The following CHL1 variants were observed in gnomAD, a reference collection of about 807,000 sequenced individuals.
CHL1 encodes cell adhesion molecule L1 like, also known as neural cell adhesion molecule L1-like protein.
Under a neutral mutation model 141.9 loss-of-function variants are expected in CHL1, and 96 were observed. The observed-to-expected ratio is 0.68, with a 90% confidence interval of 0.57 to 0.80. The LOEUF is 0.80. CHL1 is among the 30% of genes least tolerant of loss of function. The probability of loss-of-function intolerance (pLI) is 0.00; values close to 1 mark genes in which losing one functional copy is unlikely to be tolerated. For synonymous variants in CHL1, 613 were observed against 502.2 expected, an observed-to-expected ratio of 1.22 and a Z score of -2.95; for missense variants, 1,820 against 1,457.2, an observed-to-expected ratio of 1.25 and a Z score of -4.05.
At chr3:331,930 A>G (rs1701473691) in intron 5 of CHL1, among the ~76,000 whole-genome samples, 1 of 152,194 alleles carries the variant, frequency 6.6e-6, no homozygotes, top group South Asian at 2.1e-4. Context: ...AAAAGTAAAA[A>G]TTTTAGATTG....
intron 1 of CHL1, among the ~76,000 whole-genome samples, chr3:242,390 A>T (rs1184817995): frequency 1.4e-5 from 2 of 141,510 alleles, no homozygotes; most frequent in Non-Finnish European, 3.1e-5. Context: ...AGGTCAGGAG[A>T]TCGAGACCAT....
chr3:286,224 G>A (rs1697127544), intron 2 of CHL1, among the ~76,000 whole-genome samples: 1 of 152,032 alleles, frequency 6.6e-6, no homozygotes, highest in Admixed American at 6.6e-5. Flanking sequence ...TTATTCGCAG[G>A]GGGTCCTGAT....
chr3:335,344 T>A (rs1701776967), intron 5 of CHL1, among the ~76,000 whole-genome samples: 1 of 152,226 alleles, frequency 6.6e-6, no homozygotes, highest in African/African-American at 2.4e-5. Context: ...CTGAACTGGG[T>A]GTCCTTCCTT....
At chr3:343,740 C>T (rs530835724) in intron 8 of CHL1, among the ~76,000 whole-genome samples, 1 of 152,100 alleles carries the variant, frequency 6.6e-6, no homozygotes, top group Non-Finnish European at 1.5e-5. Flanking sequence ...GATGTAAGCT[C>T]CTTTTGAAGA....
intron 2 of CHL1, among the ~76,000 whole-genome samples, chr3:252,723 G>A (rs1045018544): frequency 2.6e-5 from 4 of 151,850 alleles, no homozygotes; most frequent in African/African-American, 9.7e-5. Flanking sequence ...ATTAAATCTG[G>A]TTAAATGTCT....
chr3:237,510 A>T (rs973645675), intron 1 of CHL1, among the ~76,000 whole-genome samples: 3 of 152,242 alleles, frequency 2.0e-5, no homozygotes, highest in Non-Finnish European at 2.9e-5. Flanking sequence ...AGGTATAATC[A>T]GTATGGAGTC....
In CHL1 at chr3:405,492, T is replaced by A; in HGVS notation, c.3459-3T>A. 6.2e-7 allele frequency: 1 copy of A among 1,601,862 alleles called. No individual in the cohort carries two copies. Among genetic ancestry groups the A allele is most frequent in the Non-Finnish European group, 8.5e-7 (1 of 1,169,678 alleles). ...GAGCTATTTTTGTTTGTTTGTTTTCTAGTGACAGTGATGAAAAGCCTCTCA... is the reference window on the plus strand; with the variant it reads ...GAGCTATTTTTGTTTGTTTGTTTTCAAGTGACAGTGATGAAAAGCCTCTCA... On this transcript the variant is annotated splice_region_variant and splice_polypyrimidine_tract_variant and intron_variant, in intron 27 of 27. Transcript: ENST00000256509.
chr3:284,949 G>A (rs1404137867), intron 2 of CHL1, among the ~76,000 whole-genome samples: 1 of 152,070 alleles, frequency 6.6e-6, no homozygotes, highest in Non-Finnish European at 1.5e-5. Context: ...ATCAAATAAT[G>A]TATTCTGCAT....
rs1217465439 is a variant in CHL1 at position 408,278 on chromosome 3, TA to T, written c.*2568del. 3 of 152,122 alleles carry T rather than the reference TA, an allele frequency of 2.0e-5. No individual in the cohort carries two copies. In the East Asian group the frequency reaches 5.8e-4, roughly 29 times the overall value. The allele number at this position is 152,122 out of a possible 1,614,324, so 9.4% of individuals were successfully genotyped here. ...GGCTTTACCCTAACTTTCTCTAGTCTACTGTCAATATCATTTTAATGTAATT... is the reference window on the plus strand; with the variant it reads ...GGCTTTACCCTAACTTTCTCTAGTCTCTGTCAATATCATTTTAATGTAATT... On this transcript the variant is annotated 3_prime_UTR_variant, in exon 28 of 28. Coordinates refer to ENST00000256509, the MANE Select transcript of CHL1 (RefSeq NM_006614.4).
intron 2 of CHL1, among the ~76,000 whole-genome samples, chr3:269,961 AG>A (rs1695492314): frequency 6.6e-6 from 1 of 152,186 alleles, no homozygotes; most frequent in South Asian, 2.1e-4. Context: ...GGTGGGATGA[AG>A]GTGGAAGTAC....
At chr3:386,256 A>G (rs1366063580) in intron 19 of CHL1, among the ~76,000 whole-genome samples, 1 of 151,832 alleles carries the variant, frequency 6.6e-6, no homozygotes, top group African/African-American at 2.4e-5. Context: ...TTAACAATGA[A>G]GATGAGCAGT....
chr3:265,901 C>G (rs1010530733), intron 2 of CHL1, among the ~76,000 whole-genome samples: 2 of 151,970 alleles, frequency 1.3e-5, no homozygotes, highest in African/African-American at 4.8e-5. Flanking sequence ...GAACTTCCAC[C>G]AAAAATAACA....
intron 2 of CHL1, among the ~76,000 whole-genome samples, chr3:277,180 A>T (rs1696215966): frequency 6.6e-6 from 1 of 152,208 alleles, no homozygotes; most frequent in Non-Finnish European, 1.5e-5. Context: ...TAAAATATAA[A>T]GTAAATGCTT....
At position 406,736 on chromosome 3, in the gene CHL1, G is replaced by C. The variant is rs1001252922; in HGVS notation, c.*1025G>C. Reference sequence around the variant, plus strand: ...TAAGATACTGTTTTTCGTCATTCCAGAGCTACAACTAATAACACGAGGTTC... The same window carrying C: ...TAAGATACTGTTTTTCGTCATTCCACAGCTACAACTAATAACACGAGGTTC... On this transcript the variant is annotated 3_prime_UTR_variant, in exon 28 of 28. Coordinates refer to ENST00000256509, the MANE Select transcript of CHL1 (RefSeq NM_006614.4). The C allele has an allele frequency of 6.6e-6, 1 of 152,018 alleles. No individual in the cohort carries two copies. Among genetic ancestry groups the C allele is most frequent in the Non-Finnish European group, 1.5e-5 (1 of 67,994 alleles). The allele number at this position is 152,018 out of a possible 1,614,324, so 9.4% of individuals were successfully genotyped here. A position where few individuals can be genotyped will look rare whatever the true frequency, so the allele number is the denominator to read the frequency against.
chr3:376,070 A>G (rs1350286390), intron 15 of CHL1, among the ~76,000 whole-genome samples: 3 of 152,220 alleles, frequency 2.0e-5, no homozygotes, highest in African/African-American at 4.8e-5. Context: ...GGGCACGAAG[A>G]TGTGAAGAGG....
At chr3:226,556 T>A (rs1457556135) in intron 1 of CHL1, among the ~76,000 whole-genome samples, 1 of 151,688 alleles carries the variant, frequency 6.6e-6, no homozygotes, top group Non-Finnish European at 1.5e-5. Context: ...TTCAATCGAT[T>A]CTCCTGCTTC....
rs554594562 is a variant in CHL1, at chr3:198,716, T to A, written c.-175+1653T>A. ...CGTTGATGCCATTACTGTTAGTTAATCCTCAGTTTAATTACATATGGTGCA... is the reference window on the plus strand; with the variant it reads ...CGTTGATGCCATTACTGTTAGTTAAACCTCAGTTTAATTACATATGGTGCA... On this transcript the variant is annotated intron_variant, in intron 1 of 27. Coordinates refer to ENST00000256509, the MANE Select transcript of CHL1 (RefSeq NM_006614.4). Among the ~76,000 whole-genome samples the A allele has an allele frequency of 2.5e-3, 383 of 152,378 alleles. 1 individual carries two copies. The highest frequency in any genetic ancestry group is 4.7e-3 in the Non-Finnish European group (317 of 68,038).
chr3:405,943 A>G lies in CHL1; in HGVS notation c.*232A>G. On this transcript the variant is annotated 3_prime_UTR_variant, in exon 28 of 28. Coordinates refer to ENST00000256509, the MANE Select transcript of CHL1 (RefSeq NM_006614.4). ...TGTTTTCAGGTGCTCAAAATGCAAA[A>G]CACAAAACAAATCCTGCATTTAGAT... The G allele has an allele frequency of 2.2e-6, 1 of 445,258 alleles. No individual in the cohort carries two copies. Among genetic ancestry groups the G allele is most frequent in the Non-Finnish European group, 4.1e-6 (1 of 244,132 alleles). The allele number at this position is 445,258 out of a possible 1,614,324, so 27.6% of individuals were successfully genotyped here.
chr3:261,017 T>A (rs1694666762), intron 2 of CHL1, among the ~76,000 whole-genome samples: 1 of 152,160 alleles, frequency 6.6e-6, no homozygotes, highest in South Asian at 2.1e-4. Flanking sequence ...CAGACATAAA[T>A]GAGATTCTTC....
Sources: allele counts gnomAD v4.1 joint callset (sites outside exome capture counted in the v4.1 genomes callset), GRCh38; gene constraint gnomAD v4.1.1; transcripts MANE v1.5; gene names NCBI Gene and HGNC (gene_info 2026-07-23, HGNC 2026-07-21).